The following ETNPPL variants were observed in gnomAD, a reference collection of about 807,000 sequenced individuals.
The protein encoded by ETNPPL is ethanolamine-phosphate phospho-lyase, also known as alanine--glyoxylate aminotransferase 2-like 1.
ETNPPL carries 30 observed loss-of-function variants against 55.5 expected under a neutral mutation model. That is an observed-to-expected ratio of 0.54 (90% CI 0.40 to 0.73). The LOEUF is 0.73. Among genes scored for constraint, ETNPPL ranks in the 30% least tolerant of loss-of-function variants. The pLI is 0.00. For missense variants in ETNPPL, 528 were observed against 607.9 expected, an observed-to-expected ratio of 0.87 and a Z score of 1.38; for synonymous variants, 202 against 207.2, an observed-to-expected ratio of 0.98 and a Z score of 0.21.
At chr4:108,746,160 C>G (rs1728482334) in intron 11 of ETNPPL, among the ~76,000 whole-genome samples, 1 of 152,082 alleles carries the variant, frequency 6.6e-6, no homozygotes, top group South Asian at 2.1e-4. Flanking sequence ...GTTCTTTCAG[C>G]AAAAACTTAT....
rs146803708 is a variant in ETNPPL at position 108,748,034 on chromosome 4, C to T, written c.1053G>A (p.Lys351=). ...NYLTELLKKQ[K]AKHTLIGDIR... is the part of the protein sequence containing the mutation. ...TATCTCCTATCAAAGTGTGTTTAGCCTTCTGTTTTTTCAGTAACTCAGTGA... is the reference window on the plus strand; with the variant it reads ...TATCTCCTATCAAAGTGTGTTTAGCTTTCTGTTTTTTCAGTAACTCAGTGA... Residue 351 remains lysine (K), a synonymous_variant, in exon 9 of 13, where the codon AAG becomes AAA. Coordinates refer to ENST00000296486, the MANE Select transcript of ETNPPL (RefSeq NM_031279.4). 2.9e-4 allele frequency: 467 copies of T among 1,610,726 alleles called. 2 individuals carry two copies. In the African/African-American group the frequency reaches 5.4e-3, roughly 19 times the overall value.
intron 8 of ETNPPL, 89 bp downstream of exon 8, chr4:108,749,149 T>G (rs1728768383): frequency 1.0e-6 from 1 of 980,554 alleles, no homozygotes. Context: ...CCGGCAATAC[T>G]GAGCTTTATT....
At chr4:108,755,926 T>A (rs1729174592) in intron 4 of ETNPPL, among the ~76,000 whole-genome samples, 1 of 152,264 alleles carries the variant, frequency 6.6e-6, no homozygotes, top group South Asian at 2.1e-4. Flanking sequence ...AGATAGTGAC[T>A]GTTAATAATT....
At chr4:108,745,468 C>T (rs1488608301) in intron 11 of ETNPPL, among the ~76,000 whole-genome samples, 2 of 151,818 alleles carry the variant, frequency 1.3e-5, no homozygotes, top group Non-Finnish European at 2.9e-5. Context: ...GTGGCATGCT[C>T]CTGTAGTCCC....
intron 7 of ETNPPL, among the ~76,000 whole-genome samples, chr4:108,749,852 C>G (rs981250076): frequency 6.6e-6 from 1 of 152,080 alleles, no homozygotes; most frequent in Non-Finnish European, 1.5e-5. Flanking sequence ...GAACTACAAA[C>G]GTGTGCCACC....
At chr4:108,762,488 G>C in intron 1 of ETNPPL, 1 of 659,500 alleles carries the variant, frequency 1.5e-6, no homozygotes, top group Non-Finnish European at 2.8e-6. Flanking sequence ...TGGGGGTGGC[G>C]GAGCGCTATC....
At chr4:108,752,596 C>G (rs1728965055) in intron 6 of ETNPPL, among the ~76,000 whole-genome samples, 1 of 152,162 alleles carries the variant, frequency 6.6e-6, no homozygotes, top group Non-Finnish European at 1.5e-5. Context: ...CTTCCCTTCA[C>G]CATATAATGA....
rs1393478605 is a variant in ETNPPL, at chr4:108,756,364, C to A, written c.410+54G>T. 3.9e-5 allele frequency: 48 copies of A among 1,243,464 alleles called. No individual in the cohort carries two copies. In the East Asian group the frequency reaches 1.0e-3, roughly 26 times the overall value. The allele number at this position is 1,243,464 out of a possible 1,614,324, so 77.0% of individuals were successfully genotyped here. ...GGTATTAGTATGGATAGGATCAATA[C>A]AATTTTGTCTCTGAAGAAGCTTCTT... On this transcript the variant is annotated intron_variant, in intron 4 of 12. Transcript: ENST00000296486.
intron 7 of ETNPPL, among the ~76,000 whole-genome samples, chr4:108,750,712 G>A (rs1330505635): frequency 1.3e-5 from 2 of 150,348 alleles, no homozygotes; most frequent in Non-Finnish European, 2.9e-5. Flanking sequence ...GGAGGCTGGA[G>A]CAGAGTTCTG....
At chr4:108,760,112 A>C in intron 2 of ETNPPL, 76 bp downstream of exon 2, 1 of 1,200,548 alleles carries the variant, frequency 8.3e-7, no homozygotes, top group South Asian at 1.3e-5. Flanking sequence ...AATTCCCCAA[A>C]CAAAAATTAA....
At chr4:108,761,873 A>AGAGGATGCGGATTGTTTTCTTCCTT (rs1729521653) in intron 1 of ETNPPL, among the ~76,000 whole-genome samples, 1 of 152,168 alleles carries the variant, frequency 6.6e-6, no homozygotes, top group Non-Finnish European at 1.5e-5. Flanking sequence ...ATTCCTCCGA[A>AGAGGATGCGGATTGTTTTCTTCCTT]GAGGATGCGG....
chr4:108,762,958 C>A lies in ETNPPL; in HGVS notation c.-60G>T. ...GTGCAAGGTCTGCGCGCCTCCTACG[C>A]GAGCCTGGGACTGCCTTGGCGGCCC... On this transcript the variant is annotated 5_prime_UTR_variant, in exon 1 of 13. Transcript: ENST00000296486. The A allele has an allele frequency of 6.4e-7, 1 of 1,553,768 alleles. No homozygotes were observed. Among genetic ancestry groups the A allele is most frequent in the Non-Finnish European group, 8.9e-7 (1 of 1,128,064 alleles).
At chr4:108,757,579 C>T (rs1263302276) in intron 3 of ETNPPL, among the ~76,000 whole-genome samples, 1 of 152,100 alleles carries the variant, frequency 6.6e-6, no homozygotes. Context: ...TCAAGATCAA[C>T]CTGACCAATC....
rs142495384 is a variant in ETNPPL at position 108,746,429 on chromosome 4, T to A, written c.1273A>T (p.Met425Leu). Residue 425 changes from methionine to leucine, a missense_variant, in exon 11 of 13, where the codon ATG becomes TTG. Coordinates refer to ENST00000296486, the MANE Select transcript of ETNPPL (RefSeq NM_031279.4). ...MCFTEEDAKF[M>L]VDQLDRILTV... is the part of the protein sequence containing the mutation. Reference sequence around the variant, plus strand: ...AGAATCCTATCAAGTTGGTCCACCATGAACTTTGCATCTTCTTCAGTGAAG... The same window carrying A: ...AGAATCCTATCAAGTTGGTCCACCAAGAACTTTGCATCTTCTTCAGTGAAG... The A allele has an allele frequency of 5.6e-6, 9 of 1,614,048 alleles. No homozygotes were observed. The highest frequency in any genetic ancestry group is 7.6e-6 in the Non-Finnish European group (9 of 1,179,998).
chr4:108,762,691 A>C (rs988301198), intron 1 of ETNPPL, 152 bp downstream of exon 1: 1 of 947,104 alleles, frequency 1.1e-6, no homozygotes, highest in Middle Eastern at 2.1e-4. Flanking sequence ...CGGCCCCTGC[A>C]GGTGGAGGCG....
At chr4:108,747,926 C>A in intron 9 of ETNPPL, 79 bp downstream of exon 9, 1 of 1,242,622 alleles carries the variant, frequency 8.0e-7, no homozygotes, top group Non-Finnish European at 1.1e-6. Context: ...GACGGGGTCT[C>A]ACCATGTTGC....
At chr4:108,748,923 A>C (rs1041536168) in intron 8 of ETNPPL, among the ~76,000 whole-genome samples, 1 of 152,162 alleles carries the variant, frequency 6.6e-6, no homozygotes, top group Non-Finnish European at 1.5e-5. Flanking sequence ...GGTTAGATAA[A>C]AGTTTGGCCA....
chr4:108,742,234 A>G lies in ETNPPL; in HGVS notation c.*250T>C, dbSNP rs1728251515. On this transcript the variant is annotated 3_prime_UTR_variant, in exon 13 of 13. Coordinates refer to ENST00000296486, the MANE Select transcript of ETNPPL (RefSeq NM_031279.4). ...ATTTATTTTGAGTTTGCAAGCTTAC[A>G]ATTTAATAGAATAAATCAGGTAGCT... is the stretch of plus-strand genomic sequence containing the variant. The G allele has an allele frequency of 9.8e-6, 3 of 307,054 alleles. No individual in the cohort carries two copies. In the Admixed American group the frequency reaches 1.3e-4, roughly 13 times the overall value. 19.0% of individuals were successfully genotyped at this position (307,054 alleles called of 1,614,324 possible).
At position 108,743,829 on chromosome 4, in the gene ETNPPL, G is replaced by T. The variant is rs752038822; in HGVS notation, c.1331C>A (p.Thr444Asn). 6.2e-7 allele frequency: 1 copy of T among 1,611,468 alleles called. No individual in the cohort carries two copies. Among genetic ancestry groups the T allele is most frequent in the South Asian group, 1.1e-5 (1 of 90,984 alleles). The part of the protein sequence containing the change: ...TVLEEAMGTK[T>N]ESVTSENTPC... ...AGTATTCTCAGAGGTCACACTTTCG[G>T]TTTTGGTTCCCATAGCTTCTTCTAA... Residue 444 changes from threonine (T) to asparagine (N), a missense_variant, in exon 12 of 13, where the codon ACC (threonine) becomes AAC (asparagine). Coordinates refer to ENST00000296486, the MANE Select transcript of ETNPPL (RefSeq NM_031279.4).
Sources: allele counts gnomAD v4.1 joint callset (sites outside exome capture counted in the v4.1 genomes callset), GRCh38; gene constraint gnomAD v4.1.1; transcripts MANE v1.5; gene names NCBI Gene and HGNC (gene_info 2026-07-23, HGNC 2026-07-21).